The following TBX15 variants were observed in gnomAD, a reference collection of about 807,000 sequenced individuals.
The protein encoded by TBX15 is T-box transcription factor 15, also known as T-box transcription factor TBX15.
Under a neutral mutation model 53.9 loss-of-function variants are expected in TBX15, and 18 were observed. The ratio of observed to expected loss-of-function variants is 0.33; its 90% CI spans 0.23 to 0.49. The LOEUF (loss-of-function observed/expected upper bound fraction) is 0.49, where lower values mean the gene tolerates loss of function less well. Among genes scored for constraint, TBX15 ranks in the 20% least tolerant of loss-of-function variants. The pLI is 0.98. For synonymous variants in TBX15, 295 were observed against 278.0 expected (o/e 1.06, Z -0.61); for missense variants, 692 against 749.5 (o/e 0.92, Z 0.90).
At chr1:118,889,934 C>T (rs967095893) in intron 7 of TBX15, among the ~76,000 whole-genome samples, 1 of 152,150 alleles carries the variant, frequency 6.6e-6, no homozygotes, top group Non-Finnish European at 1.5e-5. Context: ...CTGCACCTAG[C>T]CCAGCACAAA....
In TBX15 at chr1:118,884,867, C is replaced by G. The variant is rs755643362; in HGVS notation, c.1674G>C (p.Leu558=). 1 of 1,614,174 alleles carries G rather than the reference C, an allele frequency of 6.2e-7. No individual in the cohort carries two copies. Among genetic ancestry groups the G allele is most frequent in the South Asian group, 1.1e-5 (1 of 91,078 alleles). The change falls in exon 8 of 8, where the codon CTG becomes CTC. Residue 558 remains leucine, a synonymous_variant. Transcript: ENST00000369429. ...GCATGCTGTGCTCCATCCCTGACGG[C>G]AGGTACTGCCTCTCTCCAAAGGCCC... The part of the protein sequence containing the change: ...SNGAFGERQY[L]PSGMEHSMHM...
At chr1:118,907,189 C>T (rs766596578) in intron 6 of TBX15, among the ~76,000 whole-genome samples, 10 of 152,166 alleles carry the variant, frequency 6.6e-5, no homozygotes, top group Non-Finnish European at 1.3e-4. Flanking sequence ...CTGGAGGAAA[C>T]TGTGTCAGAT....
intron 1 of TBX15, among the ~76,000 whole-genome samples, chr1:118,942,161 T>A (rs1274752721): frequency 1.3e-5 from 2 of 152,160 alleles, no homozygotes; most frequent in Non-Finnish European, 2.9e-5. Context: ...GTCTGTGAGA[T>A]GCAAAGGCAG....
At chr1:118,917,054 C>T (rs1655261526) in intron 5 of TBX15, among the ~76,000 whole-genome samples, 1 of 152,084 alleles carries the variant, frequency 6.6e-6, no homozygotes, top group African/African-American at 2.4e-5. Context: ...TTTAACCTAG[C>T]AATCTTATTA....
intron 1 of TBX15, among the ~76,000 whole-genome samples, chr1:118,986,333 A>T (rs1657835687): frequency 6.6e-6 from 1 of 152,232 alleles, no homozygotes; most frequent in South Asian, 2.1e-4. Flanking sequence ...GACGGTCGAA[A>T]TAAATCTCCT....
intron 5 of TBX15, among the ~76,000 whole-genome samples, chr1:118,914,836 A>G (rs1373983136): frequency 1.3e-5 from 2 of 152,216 alleles, no homozygotes; most frequent in African/African-American, 4.8e-5. Context: ...AGGATGCAGT[A>G]CATGTTATCC....
chr1:118,954,685 C>A (rs1022512856), intron 1 of TBX15, among the ~76,000 whole-genome samples: 11 of 152,112 alleles, frequency 7.2e-5, no homozygotes, highest in African/African-American at 2.4e-4. Context: ...AAAATCTGAC[C>A]CTTTAAATTA....
chr1:118,975,604 G>A (rs1657397627), intron 1 of TBX15, among the ~76,000 whole-genome samples: 1 of 152,210 alleles, frequency 6.6e-6, no homozygotes, highest in African/African-American at 2.4e-5. Context: ...CTGTGCAACT[G>A]TGGGTGAGCT....
intron 5 of TBX15, among the ~76,000 whole-genome samples, chr1:118,920,486 C>G (rs925177427): frequency 6.6e-6 from 1 of 152,144 alleles, no homozygotes; most frequent in Non-Finnish European, 1.5e-5. Flanking sequence ...CAGATTGCGA[C>G]ACTCTTGCAG....
chr1:118,931,522 G>T, intron 2 of TBX15, 97 bp downstream of exon 2: 1 of 1,343,984 alleles, frequency 7.4e-7, no homozygotes, highest in Non-Finnish European at 1.1e-6. Context: ...CTTTGGTTTT[G>T]TTGATGCCAT....
At chr1:118,892,303 T>C (rs765806196) in intron 7 of TBX15, among the ~76,000 whole-genome samples, 9 of 152,344 alleles carry the variant, frequency 5.9e-5, no homozygotes, top group East Asian at 1.9e-4. Context: ...TTCATATTAG[T>C]GTCCCTGGCA....
At chr1:118,970,072 T>C (rs1278818600) in intron 1 of TBX15, among the ~76,000 whole-genome samples, 2 of 152,252 alleles carry the variant, frequency 1.3e-5, no homozygotes, top group Non-Finnish European at 2.9e-5. Flanking sequence ...TGCTGCCATG[T>C]GAAGACATGC....
intron 1 of TBX15, among the ~76,000 whole-genome samples, chr1:118,952,732 T>C (rs753649785): frequency 7.9e-5 from 12 of 152,144 alleles, no homozygotes; most frequent in Non-Finnish European, 1.3e-4. Flanking sequence ...TTTTGACCAA[T>C]AAATAATAGT....
intron 1 of TBX15, among the ~76,000 whole-genome samples, chr1:118,933,232 GCT>G (rs1357622232): frequency 4.6e-5 from 7 of 152,122 alleles, no homozygotes; most frequent in African/African-American, 1.7e-4. Flanking sequence ...ATATCTAACA[GCT>G]GTGTCAAAGC....
intron 6 of TBX15, among the ~76,000 whole-genome samples, chr1:118,913,235 A>T (rs1350547842): frequency 6.6e-6 from 1 of 151,112 alleles, no homozygotes; most frequent in Non-Finnish European, 1.5e-5. Flanking sequence ...CAAACTATAA[A>T]AAAAAAAAAT....
intron 2 of TBX15, among the ~76,000 whole-genome samples, chr1:118,927,264 C>T (rs1371978565): frequency 2.0e-5 from 3 of 152,142 alleles, no homozygotes; most frequent in Admixed American, 2.0e-4. Flanking sequence ...AATGTATGCA[C>T]AGGCATGTGT....
At chr1:118,973,967 G>T (rs1345468891) in intron 1 of TBX15, among the ~76,000 whole-genome samples, 1 of 152,184 alleles carries the variant, frequency 6.6e-6, no homozygotes, top group Admixed American at 6.5e-5. Context: ...GTACCAGATG[G>T]GATCTAATGT....
At chr1:118,921,304 A>G (rs1557884804) in intron 5 of TBX15, among the ~76,000 whole-genome samples, 1 of 152,220 alleles carries the variant, frequency 6.6e-6, no homozygotes, top group African/African-American at 2.4e-5. Context: ...TAGACTTACT[A>G]AAAATTTATT....
chr1:118,893,997 T>C (rs943389823), intron 7 of TBX15, among the ~76,000 whole-genome samples: 7 of 152,194 alleles, frequency 4.6e-5, no homozygotes, highest in Non-Finnish European at 8.8e-5. Context: ...ACCTTAAGGA[T>C]ACTTGGCCTA....
Sources: allele counts gnomAD v4.1 joint callset (sites outside exome capture counted in the v4.1 genomes callset), GRCh38; gene constraint gnomAD v4.1.1; transcripts MANE v1.5; gene names NCBI Gene and HGNC (gene_info 2026-07-23, HGNC 2026-07-21).